The following FBF1 variants were observed in gnomAD, a reference collection of about 807,000 sequenced individuals.
FBF1 encodes Fas binding factor 1.
A neutral mutation model predicts 147.2 loss-of-function variants in FBF1; 119 were observed. The observed-to-expected ratio is 0.81, with a 90% CI of 0.70 to 0.94. The LOEUF is 0.94. Among genes scored for constraint, FBF1 ranks in the 40% least tolerant of loss-of-function variants. The pLI is 0.00. For missense variants in FBF1, 1,449 were observed against 1,500.8 expected (o/e 0.97, Z 0.57); for synonymous variants, 601 against 609.0 (o/e 0.99, Z 0.19).
At chr17:75,939,826 T>C (rs1225975074) in intron 1 of FBF1, 2 of 152,300 alleles carry the variant, frequency 1.3e-5, no homozygotes, top group Non-Finnish European at 2.9e-5. Flanking sequence ...ACCTACAGGA[T>C]GTCCTGGAAG....
In FBF1 at chr17:75,919,924, C is replaced by A; in HGVS notation, c.1932-50G>T. 2.5e-6 allele frequency: 4 copies of A among 1,612,316 alleles called. No homozygotes were observed. The highest frequency in any genetic ancestry group is 3.4e-6 in the Non-Finnish European group (4 of 1,178,948). On this transcript the variant is annotated intron_variant, in intron 19 of 29. Coordinates refer to ENST00000636174, the MANE Select transcript of FBF1 (RefSeq NM_001319193.2). This position sits in a 1 kb window ranked among gnomAD's most constrained non-coding sequence, Gnocchi z 5.0. ...GCGCAAGGAAGGCAGAGGGCTGCCGCCTAAAGGCCTCTCCAGGCACACTGG... is the reference window on the plus strand; with the variant it reads ...GCGCAAGGAAGGCAGAGGGCTGCCGACTAAAGGCCTCTCCAGGCACACTGG...
Position 75,917,007 on chromosome 17 carries a change from C to T in FBF1, c.2505+725G>A, listed in dbSNP as rs758873221. Among the ~76,000 whole-genome samples, 20 of 152,314 alleles carry T rather than the reference C, an allele frequency of 1.3e-4. No homozygotes were observed. The Middle Eastern group carries it at 0.01, about 78-fold the overall frequency. On this transcript the variant is annotated intron_variant, in intron 23 of 29. Transcript: ENST00000636174. ...CTGGGATTACAGGCGTGCGCCACCA[C>T]GCCTGGCTAGTTTCTTATTTCTTTA...
At chr17:75,916,565 G>A (rs1342577131) in intron 23 of FBF1, among the ~76,000 whole-genome samples, 1 of 152,184 alleles carries the variant, frequency 6.6e-6, no homozygotes, top group Non-Finnish European at 1.5e-5. Flanking sequence ...GCTGCAGTGA[G>A]CTATGATCAC....
At chr17:75,912,370 C>A in intron 28 of FBF1, 63 bp from the exon 29 acceptor site, 2 of 1,292,738 alleles carry the variant, frequency 1.5e-6, no homozygotes, top group Non-Finnish European at 2.1e-6. Flanking sequence ...GCGGTCACAG[C>A]TTGTTCCTGC....
At chr17:75,940,294 G>GT (rs1458350606) in intron 1 of FBF1, among the ~76,000 whole-genome samples, 1 of 150,892 alleles carries the variant, frequency 6.6e-6, no homozygotes, top group Non-Finnish European at 1.5e-5. Flanking sequence ...CCAGGCTGGA[G>GT]TGCAGTGGCA....
chr17:75,910,945 G>A lies in FBF1; in HGVS notation c.3364-139C>T, dbSNP rs1567856149. ...TCTGCCTGGCTCTGGGAGTCAGCAGGGGCCATGAAAGAGCCCAGGTATGGA... is the reference window on the plus strand; with the variant it reads ...TCTGCCTGGCTCTGGGAGTCAGCAGAGGCCATGAAAGAGCCCAGGTATGGA... On this transcript the variant is annotated intron_variant, in intron 29 of 29. Transcript: ENST00000636174. The surrounding 1 kb of genome is among the most constrained non-coding windows in gnomAD (Gnocchi z 4.1). The A allele has an allele frequency of 8.6e-6, 6 of 695,168 alleles. No individual in the cohort carries two copies. Among genetic ancestry groups the A allele is most frequent in the Non-Finnish European group, 1.5e-5 (6 of 406,736 alleles). The allele number at this position is 695,168 out of a possible 1,614,324, so 43.1% of individuals were successfully genotyped here.
At chr17:75,938,864 CA>C (rs11461635) in intron 1 of FBF1, among the ~76,000 whole-genome samples, 226 of 135,496 alleles carry the variant, frequency 1.7e-3, no homozygotes, top group Non-Finnish European at 1.4e-3. Context: ...GACTCCATCT[CA>C]AAAAAAAAAA....
intron 23 of FBF1, 126 bp downstream of exon 23, chr17:75,917,606 A>G: frequency 1.2e-6 from 1 of 832,392 alleles, no homozygotes; most frequent in Non-Finnish European, 1.9e-6. Flanking sequence ...TAGAGGCAGG[A>G]AGCGGCAGGT....
In FBF1 at chr17:75,935,682, G is replaced by A. The variant is rs1426984655; in HGVS notation, c.32-9C>T. The A allele has an allele frequency of 6.5e-7, 1 of 1,536,796 alleles. No individual in the cohort carries two copies. Among genetic ancestry groups the A allele is most frequent in the Non-Finnish European group, 8.7e-7 (1 of 1,146,698 alleles). ...AAAATCATCAATGGAGCCTGGAACA[G>A]AAAAGGGACTGTCATGACTTCAGGA... is the stretch of plus-strand genomic sequence containing the variant. On this transcript the variant is annotated splice_polypyrimidine_tract_variant and intron_variant, in intron 3 of 29. Coordinates refer to ENST00000636174, the MANE Select transcript of FBF1 (RefSeq NM_001319193.2).
In FBF1 at chr17:75,940,962, G is replaced by C. The variant is rs944282363; in HGVS notation, c.-198C>G. On this transcript the variant is annotated 5_prime_UTR_variant, in exon 1 of 30. Coordinates refer to ENST00000636174, the MANE Select transcript of FBF1 (RefSeq NM_001319193.2). ...AGGTGCGGCCGCTGGGACCAGCGCC[G>C]GCCCTGGCTCCATTCGGGTCGCCCA... 2 of 152,362 alleles carry C rather than the reference G, an allele frequency of 1.3e-5. No homozygotes were observed. Among genetic ancestry groups the C allele is most frequent in the Non-Finnish European group, 2.9e-5 (2 of 68,082 alleles). The allele number at this position is 152,362 out of a possible 1,614,324, so 9.4% of individuals were successfully genotyped here. A position where few individuals can be genotyped will look rare whatever the true frequency, so the allele number is the denominator to read the frequency against.
chr17:75,920,637 C>T (rs993268667), intron 17 of FBF1, among the ~76,000 whole-genome samples: 1 of 152,182 alleles, frequency 6.6e-6, no homozygotes, highest in African/African-American at 2.4e-5. Flanking sequence ...AGCATGTCTC[C>T]CTCCACCCTC....
At position 75,923,207 on chromosome 17, in the gene FBF1, G is replaced by C. The variant is rs368561008; in HGVS notation, c.1403C>G (p.Ala468Gly). 2 of 1,587,462 alleles carry C rather than the reference G, an allele frequency of 1.3e-6. No individual in the cohort carries two copies. The highest frequency in any genetic ancestry group is 1.1e-5 in the South Asian group (1 of 87,248). The change falls in exon 14 of 30, where the codon GCG becomes GGG. Residue 468 changes from alanine to glycine, a missense_variant. Coordinates refer to ENST00000636174, the MANE Select transcript of FBF1 (RefSeq NM_001319193.2). The surrounding 1 kb of genome is among the most constrained non-coding windows in gnomAD (Gnocchi z 4.1). ...GTACCTGCCAGAAGGGGGATGGCCC[G>C]CTGTCCCCGCCAAATGCAGGCCCTC... ...TSEGLHLAGT[A>G]GHPPSGSQPL...
chr17:75,928,005 G>A lies in FBF1; in HGVS notation c.397+71C>T, dbSNP rs6501841. 9,250 of 1,273,112 alleles carry A rather than the reference G, an allele frequency of 7.3e-3. 280 individuals carry two copies. In the African/African-American group the frequency reaches 0.078, roughly 11 times the overall value. 78.9% of individuals were successfully genotyped at this position (1,273,112 alleles called of 1,614,324 possible). A position where few individuals can be genotyped will look rare whatever the true frequency, so the allele number is the denominator to read the frequency against. On this transcript the variant is annotated intron_variant, in intron 8 of 29. Coordinates refer to ENST00000636174, the MANE Select transcript of FBF1 (RefSeq NM_001319193.2). The surrounding 1 kb of genome is among the most constrained non-coding windows in gnomAD (Gnocchi z 4.2). ...AACGCTTCCTACTAGCATCTTCCAC[G>A]TCCTCAAAGTCTCCCTAGCAGATGC... is the stretch of plus-strand genomic sequence containing the variant.
In FBF1 at chr17:75,928,260, G is replaced by C; in HGVS notation, c.280-67C>G. 1 of 1,311,310 alleles carries C rather than the reference G, an allele frequency of 7.6e-7. No individual in the cohort carries two copies. The highest frequency in any genetic ancestry group is 1.1e-6 in the Non-Finnish European group (1 of 913,996). The allele number at this position is 1,311,310 out of a possible 1,614,324, so 81.2% of individuals were successfully genotyped here. A position where few individuals can be genotyped will look rare whatever the true frequency, so the allele number is the denominator to read the frequency against. On this transcript the variant is annotated intron_variant, in intron 7 of 29. Transcript: ENST00000636174. The surrounding 1 kb of genome is among the most constrained non-coding windows in gnomAD (Gnocchi z 4.2). ...AGGGGCTGAGGACTTCCACCTGAGA[G>C]AGATGGGCTGTTGGCACCCCAGGTG...
chr17:75,915,759 AG>A (rs2144156178), intron 23 of FBF1, among the ~76,000 whole-genome samples: 1 of 152,252 alleles, frequency 6.6e-6, no homozygotes, highest in South Asian at 2.1e-4. Context: ...CTATAATCCC[AG>A]CACTTTGGGA....
At chr17:75,930,451 C>T (rs1165452523) in intron 6 of FBF1, among the ~76,000 whole-genome samples, 1 of 152,174 alleles carries the variant, frequency 6.6e-6, no homozygotes, top group Admixed American at 6.5e-5. Flanking sequence ...GAGGATTCTG[C>T]TTTGGGTCCA....
Position 75,926,792 on chromosome 17 carries a change from A to T in FBF1, c.561T>A (p.Ala187=), listed in dbSNP as rs182641389. The part of the protein sequence containing the change: ...KQPPVTQSKT[A]SDKSPSTVRD... ...TCACTGTGCTGGGGCTCTTGTCAGAAGCTGTTTTACTCTGTGTCACAGGCG... is the reference window on the plus strand; with the variant it reads ...TCACTGTGCTGGGGCTCTTGTCAGATGCTGTTTTACTCTGTGTCACAGGCG... The change falls in exon 10 of 30, where the codon GCT becomes GCA. Residue 187 remains alanine, a synonymous_variant. Coordinates refer to ENST00000636174, the MANE Select transcript of FBF1 (RefSeq NM_001319193.2). The T allele has an allele frequency of 6.2e-7, 1 of 1,613,900 alleles. No homozygotes were observed. Among genetic ancestry groups the T allele is most frequent in the African/African-American group, 1.3e-5 (1 of 75,058 alleles).
Position 75,920,415 on chromosome 17 carries a change from C to A in FBF1, c.1689G>T (p.Glu563Asp). The A allele has an allele frequency of 6.2e-7, 1 of 1,607,538 alleles. No individual in the cohort carries two copies. The highest frequency in any genetic ancestry group is 8.5e-7 in the Non-Finnish European group (1 of 1,177,468). ...PSVPVQPLLPESLARSLLPST... is the reference protein window; with the variant it reads ...PSVPVQPLLPDSLARSLLPST... ...TCGGCAGCAGGCTCCGGGCCAGGGA[C>A]TCTGGGAGCAGGGGCTGGAGGAGAG... The change falls in exon 18 of 30, where the codon GAG becomes GAT. Residue 563 changes from glutamate to aspartate, a missense_variant. Glu to Asp is a conservative substitution (Grantham distance 45). Transcript: ENST00000636174.
chr17:75,935,662 C>A lies in FBF1; in HGVS notation c.43G>T (p.Asp15Tyr), dbSNP rs117554064. The change falls in exon 4 of 30, where the codon GAT becomes TAT. Residue 15 changes from aspartate (D) to tyrosine (Y), a missense_variant. Transcript: ENST00000636174. Reference protein sequence around the residue: ...TKKGCKGSIDDFLGDLLGDDM... With the variant: ...TKKGCKGSIDYFLGDLLGDDM... ...TCCCCTAGAAGGTCACCAAGAAAATCATCAATGGAGCCTGGAACAGAAAAG... is the reference window on the plus strand; with the variant it reads ...TCCCCTAGAAGGTCACCAAGAAAATAATCAATGGAGCCTGGAACAGAAAAG... The A allele has an allele frequency of 4.7e-3, 7,243 of 1,536,930 alleles. 14 individuals carry two copies. The highest frequency in any genetic ancestry group is 5.8e-3 in the Non-Finnish European group (6,696 of 1,146,772).
Sources: allele counts gnomAD v4.1 joint callset (sites outside exome capture counted in the v4.1 genomes callset), GRCh38; gene constraint gnomAD v4.1.1; non-coding constraint Gnocchi (gnomAD v3.1); transcripts MANE v1.5; gene names NCBI Gene and HGNC (gene_info 2026-07-23, HGNC 2026-07-21).